MYRIP: variants seen among roughly 807,000 people sequenced by gnomAD.
MYRIP encodes the protein rab effector MyRIP.
Under a neutral mutation model 98.0 loss-of-function variants are expected in MYRIP, and 49 were observed. The observed-to-expected ratio is 0.50, with a 90% CI of 0.40 to 0.63. The LOEUF is 0.63. MYRIP is among the 30% of genes least tolerant of loss of function. The probability of loss-of-function intolerance (pLI) is 0.00; values close to 1 mark genes in which losing one functional copy is unlikely to be tolerated. For missense variants in MYRIP, 1,004 were observed against 1,058.2 expected, an observed-to-expected ratio of 0.95 and a Z score of 0.71; for synonymous variants, 404 against 409.5, an observed-to-expected ratio of 0.99 and a Z score of 0.16.
At chr3:39,897,117 A>G (rs1226306544) in intron 1 of MYRIP, among the ~76,000 whole-genome samples, 1 of 152,184 alleles carries the variant, frequency 6.6e-6, no homozygotes, top group Non-Finnish European at 1.5e-5. Context: ...GTTTGTCATC[A>G]TTGCTTTGAC....
intron 4 of MYRIP, among the ~76,000 whole-genome samples, chr3:40,157,244 T>A (rs1252148500): frequency 6.8e-6 from 1 of 148,020 alleles, no homozygotes; most frequent in South Asian, 2.2e-4. Context: ...CTGCATCTAT[T>A]GAGATAATCA....
intron 3 of MYRIP, among the ~76,000 whole-genome samples, chr3:40,094,690 A>C (rs1948793161): frequency 6.6e-6 from 1 of 152,192 alleles, no homozygotes; most frequent in South Asian, 2.1e-4. Flanking sequence ...TCTATGGATT[A>C]CCAGTGACAG....
In MYRIP at chr3:40,224,532, C is replaced by T. The variant is rs74808878; in HGVS notation, c.1906-9327C>T. Among the ~76,000 whole-genome samples the T allele has an allele frequency of 4.4e-3, 671 of 152,274 alleles. 4 individuals are homozygous for T. The highest frequency in any genetic ancestry group is 7.6e-3 in the African/African-American group (317 of 41,552). On this transcript the variant is annotated intron_variant, in intron 11 of 16. Transcript: ENST00000302541. ...GTCAAAGGTGATGCCCCCATTTCCC[C>T]GCTTAGTTTCCTTTGCCAGGCCCTG... is the stretch of plus-strand genomic sequence containing the variant.
At chr3:39,886,801 A>G (rs1477190411) in intron 1 of MYRIP, among the ~76,000 whole-genome samples, 1 of 151,960 alleles carries the variant, frequency 6.6e-6, no homozygotes, top group Non-Finnish European at 1.5e-5. Flanking sequence ...GTCAACAAGG[A>G]TACCCAGGAA....
At chr3:40,045,590 G>A (rs1015292779) in intron 3 of MYRIP, among the ~76,000 whole-genome samples, 2 of 152,294 alleles carry the variant, frequency 1.3e-5, no homozygotes, top group African/African-American at 2.4e-5. Context: ...CATGTAACAC[G>A]TTTAAGGATT....
chr3:39,983,864 G>T (rs1945954929), intron 2 of MYRIP, among the ~76,000 whole-genome samples: 1 of 152,096 alleles, frequency 6.6e-6, no homozygotes. Flanking sequence ...CTAAAATTAG[G>T]TGTCAGGAAA....
intron 1 of MYRIP, among the ~76,000 whole-genome samples, chr3:39,886,867 C>T (rs1209073476): frequency 4.0e-5 from 6 of 151,836 alleles, no homozygotes; most frequent in African/African-American, 9.7e-5. Context: ...ACTCTCCACC[C>T]CAAATCAACA....
At chr3:39,855,124 T>G (rs1212940413) in intron 1 of MYRIP, among the ~76,000 whole-genome samples, 1 of 152,234 alleles carries the variant, frequency 6.6e-6, no homozygotes, top group Non-Finnish European at 1.5e-5. Flanking sequence ...ATGCTGGTTA[T>G]GCTAGCAGTG....
At chr3:40,144,688 GC>G (rs1240734025) in intron 3 of MYRIP, among the ~76,000 whole-genome samples, 1 of 152,182 alleles carries the variant, frequency 6.6e-6, no homozygotes, top group Non-Finnish European at 1.5e-5. Flanking sequence ...ATTTCTAGAA[GC>G]AAGGCTTTCT....
chr3:40,038,961 A>G (rs1023789014), intron 2 of MYRIP, among the ~76,000 whole-genome samples: 2 of 152,202 alleles, frequency 1.3e-5, no homozygotes, highest in African/African-American at 4.8e-5. Context: ...GAATCTGGAT[A>G]GGCAGAGATG....
At chr3:40,248,192 TA>T (rs1181484833) in intron 13 of MYRIP, 1 of 152,300 alleles carries the variant, frequency 6.6e-6, no homozygotes, top group Non-Finnish European at 1.5e-5. Flanking sequence ...ACTTAGAGTC[TA>T]CTTTTGAGAC....
intron 1 of MYRIP, among the ~76,000 whole-genome samples, chr3:39,868,596 A>G (rs573898067): frequency 6.6e-6 from 1 of 152,242 alleles, no homozygotes; most frequent in South Asian, 2.1e-4. Flanking sequence ...AAAATAGAGT[A>G]TATTAACCAT....
At chr3:40,007,343 T>TAA (rs5848544) in intron 2 of MYRIP, among the ~76,000 whole-genome samples, 6,275 of 148,658 alleles carry the variant, frequency 0.042, 312 homozygotes, top group African/African-American at 0.12. Flanking sequence ...AAATATATGT[T>TAA]AAAAAAAAAA....
rs973502684 is a variant in MYRIP, at chr3:40,100,954, A to T, written c.333-50094A>T. 1.2e-4 allele frequency among the ~76,000 whole-genome samples: 18 copies of T among 152,312 alleles called. No homozygotes were observed. The East Asian group carries it at 3.5e-3, about 29-fold the overall frequency. On this transcript the variant is annotated intron_variant, in intron 3 of 16. Transcript: ENST00000302541. ...TCCAAGTCATGAATGTATAGACTTT[A>T]AAACATCAAATAATTCTCTTGACTT...
intron 2 of MYRIP, among the ~76,000 whole-genome samples, chr3:39,929,690 CTCTG>C (rs1350283002): frequency 3.9e-5 from 6 of 151,986 alleles, no homozygotes; most frequent in African/African-American, 1.2e-4. Context: ...CAAATATTAT[CTCTG>C]TCTAATTTTA....
chr3:39,927,265 A>G (rs1369691767), intron 2 of MYRIP, among the ~76,000 whole-genome samples: 1 of 152,000 alleles, frequency 6.6e-6, no homozygotes, highest in Non-Finnish European at 1.5e-5. Flanking sequence ...AATCATTGTC[A>G]GTGAAGAAAT....
chr3:40,227,389 T>A lies in MYRIP; in HGVS notation c.1906-6470T>A, dbSNP rs73827171. Among the ~76,000 whole-genome samples, 500 of 150,640 alleles carry A rather than the reference T, an allele frequency of 3.3e-3. 1 individual carries two copies. The highest frequency in any genetic ancestry group is 0.012 in the African/African-American group (483 of 41,194). On this transcript the variant is annotated intron_variant, in intron 11 of 16. Transcript: ENST00000302541. ...AAACAACAGAATAATGGAAATGTAC[T>A]CTCTCTCTCTCTCTCTCCCTCTATG...
At chr3:40,188,737 A>G (rs1378338297) in intron 9 of MYRIP, among the ~76,000 whole-genome samples, 1 of 151,552 alleles carries the variant, frequency 6.6e-6, no homozygotes, top group Non-Finnish European at 1.5e-5. Context: ...AGATCGTGCC[A>G]TTGCACTGCA....
At chr3:40,042,420 A>G (rs1226415843) in intron 2 of MYRIP, among the ~76,000 whole-genome samples, 2 of 152,108 alleles carry the variant, frequency 1.3e-5, no homozygotes, top group African/African-American at 2.4e-5. Context: ...ATGAAAGAAA[A>G]GCCTGACAGA....
Sources: gnomAD v4.1 joint callset for allele counts (sites outside exome capture counted in the v4.1 genomes callset) on GRCh38, gnomAD v4.1.1 for gene constraint, MANE v1.5 for transcripts, NCBI Gene and HGNC (gene_info 2026-07-23, HGNC 2026-07-21) for gene names.